HS3ST4: variants seen among roughly 807,000 people sequenced by gnomAD.
HS3ST4 encodes the protein heparan sulfate glucosamine 3-O-sulfotransferase 4.
Under a neutral mutation model 29.2 loss-of-function variants are expected in HS3ST4, and 17 were observed. That is an observed-to-expected ratio of 0.58 (90% CI 0.40 to 0.87). The LOEUF is 0.87. HS3ST4 is among the 40% of genes least tolerant of loss of function. The pLI is 0.00. For synonymous variants in HS3ST4, 314 were observed against 285.7 expected (o/e 1.10, Z -1.00); for missense variants, 627 against 634.5 (o/e 0.99, Z 0.13).
chr16:26,082,076 T>C (rs1898731395), intron 1 of HS3ST4, among the ~76,000 whole-genome samples: 1 of 152,184 alleles, frequency 6.6e-6, no homozygotes, highest in African/African-American at 2.4e-5. Context: ...ATTACAGGCA[T>C]GAGCCACCGG....
At chr16:26,061,375 G>A (rs1370054151) in intron 1 of HS3ST4, among the ~76,000 whole-genome samples, 1 of 152,190 alleles carries the variant, frequency 6.6e-6, no homozygotes, top group Non-Finnish European at 1.5e-5. Context: ...ACAATGCAGT[G>A]TTAGTCATGG....
chr16:25,976,373 A>G (rs1463104213), intron 1 of HS3ST4, among the ~76,000 whole-genome samples: 3 of 152,038 alleles, frequency 2.0e-5, no homozygotes, highest in South Asian at 2.1e-4. Context: ...TGGTGCCATC[A>G]TGGCTCACTG....
chr16:25,890,373 C>A (rs1967995760), intron 1 of HS3ST4, among the ~76,000 whole-genome samples: 1 of 152,182 alleles, frequency 6.6e-6, no homozygotes, highest in African/African-American at 2.4e-5. Flanking sequence ...ACCCAGATGA[C>A]TTTACCTTGT....
At position 25,753,634 on chromosome 16, in the gene HS3ST4, G is replaced by A. The variant is rs114905352; in HGVS notation, c.734+60483G>A. On this transcript the variant is annotated intron_variant, in intron 1 of 1. Transcript: ENST00000331351. ...AGATCACTTAGTGATATCAAGTAAC[G>A]AGTCCTAGTCTCAAGCCCAGGCCTG... Among the ~76,000 whole-genome samples, 1,513 of 152,260 alleles carry A rather than the reference G, an allele frequency of 9.9e-3. 27 individuals carry two copies. Among genetic ancestry groups the A allele is most frequent in the African/African-American group, 0.035 (1,451 of 41,550 alleles).
chr16:25,876,146 A>G (rs1967830520), intron 1 of HS3ST4, among the ~76,000 whole-genome samples: 1 of 152,046 alleles, frequency 6.6e-6, no homozygotes, highest in African/African-American at 2.4e-5. Context: ...ACTGCACTCA[A>G]TTCTTGAGCA....
intron 1 of HS3ST4, among the ~76,000 whole-genome samples, chr16:25,719,798 A>G (rs1966480850): frequency 1.3e-5 from 2 of 152,206 alleles, no homozygotes; most frequent in South Asian, 4.1e-4. Context: ...TCCTGCCCAT[A>G]ACTGGATCAC....
In HS3ST4 at chr16:25,883,577, G is replaced by A. The variant is rs1037059103; in HGVS notation, c.734+190426G>A. On this transcript the variant is annotated intron_variant, in intron 1 of 1. Coordinates refer to ENST00000331351, the MANE Select transcript of HS3ST4 (RefSeq NM_006040.3). ...TCAGGTCAGCTTTTGGAGAGGACTA[G>A]GTGTTTAGACCATGGGAACCTATGT... Among the ~76,000 whole-genome samples, 133 of 152,168 alleles carry A rather than the reference G, an allele frequency of 8.7e-4. 1 individual carries two copies. The highest frequency in any genetic ancestry group is 1.2e-3 in the Non-Finnish European group (85 of 68,036).
intron 1 of HS3ST4, among the ~76,000 whole-genome samples, chr16:25,881,880 A>T (rs1355296695): frequency 7.0e-6 from 1 of 143,108 alleles, no homozygotes; most frequent in Non-Finnish European, 1.6e-5. Context: ...TTTATTAAAA[A>T]TAAAAAAAGC....
At chr16:25,861,116 G>A (rs1967632088) in intron 1 of HS3ST4, among the ~76,000 whole-genome samples, 1 of 152,202 alleles carries the variant, frequency 6.6e-6, no homozygotes, top group Non-Finnish European at 1.5e-5. Context: ...GGGTGCAGAT[G>A]TGATTTCTGT....
intron 1 of HS3ST4, among the ~76,000 whole-genome samples, chr16:25,901,211 C>T (rs186222337): frequency 1.3e-5 from 2 of 152,242 alleles, no homozygotes; most frequent in African/African-American, 4.8e-5. Context: ...TGTTTCTGCC[C>T]TAAGACTTAG....
At chr16:25,996,909 G>A (rs939652440) in intron 1 of HS3ST4, among the ~76,000 whole-genome samples, 2 of 152,076 alleles carry the variant, frequency 1.3e-5, no homozygotes, top group East Asian at 1.9e-4. Context: ...ATCTTGGTTG[G>A]TACTGTTAAC....
At chr16:25,795,364 C>T (rs1276552902) in intron 1 of HS3ST4, among the ~76,000 whole-genome samples, 1 of 152,070 alleles carries the variant, frequency 6.6e-6, no homozygotes, top group African/African-American at 2.4e-5. Flanking sequence ...GCTCTCTTCA[C>T]CTTTGTCCAA....
At chr16:25,782,904 A>AAG (rs1323740252) in intron 1 of HS3ST4, among the ~76,000 whole-genome samples, 1 of 152,198 alleles carries the variant, frequency 6.6e-6, no homozygotes, top group Non-Finnish European at 1.5e-5. Context: ...TCCTTTTCAT[A>AAG]GATTTTAGTT....
Position 26,118,223 on chromosome 16 carries a change from A to G in HS3ST4, c.735-17389A>G, listed in dbSNP as rs151259721. 2.1e-3 allele frequency among the ~76,000 whole-genome samples: 326 copies of G among 152,230 alleles called. 1 individual carries two copies. Among genetic ancestry groups the G allele is most frequent in the African/African-American group, 7.5e-3 (310 of 41,544 alleles). ...TGGGACCACAGGTGCACACCATCAC[A>G]CTTGGCTAATTTTTAAAATCTTTTG... On this transcript the variant is annotated intron_variant, in intron 1 of 1. Coordinates refer to ENST00000331351, the MANE Select transcript of HS3ST4 (RefSeq NM_006040.3).
At chr16:25,991,866 A>G (rs1242204477) in intron 1 of HS3ST4, among the ~76,000 whole-genome samples, 1 of 151,998 alleles carries the variant, frequency 6.6e-6, no homozygotes, top group Non-Finnish European at 1.5e-5. Context: ...CTAAAAATAC[A>G]AAAAATTAGC....
chr16:26,106,731 T>A (rs1288419232), intron 1 of HS3ST4, among the ~76,000 whole-genome samples: 1 of 152,296 alleles, frequency 6.6e-6, no homozygotes, highest in African/African-American at 2.4e-5. Flanking sequence ...CCAGATACCA[T>A]GTCTTCCTGT....
At chr16:25,897,410 C>T (rs1213225057) in intron 1 of HS3ST4, among the ~76,000 whole-genome samples, 2 of 152,122 alleles carry the variant, frequency 1.3e-5, no homozygotes, top group African/African-American at 4.8e-5. Flanking sequence ...CAGGATTGTG[C>T]TGCTGCACTC....
At chr16:25,879,011 A>C (rs1156777749) in intron 1 of HS3ST4, among the ~76,000 whole-genome samples, 1 of 152,186 alleles carries the variant, frequency 6.6e-6, no homozygotes, top group Non-Finnish European at 1.5e-5. Context: ...GGTACTCAGA[A>C]AAACTCCAGG....
chr16:26,120,999 C>A (rs1029550988), intron 1 of HS3ST4, among the ~76,000 whole-genome samples: 3 of 152,238 alleles, frequency 2.0e-5, no homozygotes, highest in Non-Finnish European at 4.4e-5. Flanking sequence ...CTGCTAAGTG[C>A]ATCCTAACCA....
Sources: gnomAD v4.1 joint callset for allele counts (sites outside exome capture counted in the v4.1 genomes callset) on GRCh38, gnomAD v4.1.1 for gene constraint, MANE v1.5 for transcripts, NCBI Gene and HGNC (gene_info 2026-07-23, HGNC 2026-07-21) for gene names.